CELF2: variants seen among roughly 807,000 people sequenced by gnomAD.
CELF2 encodes CUGBP Elav-like family member 2.
Under a neutral mutation model 62.6 loss-of-function variants are expected in CELF2, and 8 were observed. The observed-to-expected ratio is 0.13, with a 90% confidence interval of 0.07 to 0.23. The LOEUF (loss-of-function observed/expected upper bound fraction) is 0.23, where lower values mean the gene tolerates loss of function less well. Ranked by LOEUF, CELF2 falls within the 10% of genes least tolerant of loss-of-function variation. The pLI is 1.00. For synonymous variants in CELF2, 258 were observed against 250.0 expected, an observed-to-expected ratio of 1.03 and a Z score of -0.30; for missense variants, 333 against 671.0, an observed-to-expected ratio of 0.50 and a Z score of 5.56.
At chr10:11,190,245 C>G (rs1282121218) in intron 2 of CELF2, among the ~76,000 whole-genome samples, 1 of 152,182 alleles carries the variant, frequency 6.6e-6, no homozygotes, top group Non-Finnish European at 1.5e-5. Context: ...AGTAGGCAAT[C>G]CATACATGCC....
chr10:10,653,903 C>T, the CELF2 span, among the ~76,000 whole-genome samples: 2 of 151,730 alleles, frequency 1.3e-5, no homozygotes, highest in African/African-American at 2.4e-5. Flanking sequence ...CACAAAAAAC[C>T]CTTCAAAACA....
chr10:10,981,734 T>C (rs2052133117), intron 2 of CELF2, among the ~76,000 whole-genome samples: 2 of 152,204 alleles, frequency 1.3e-5, no homozygotes, highest in Admixed American at 6.5e-5. Flanking sequence ...ATTGTGCACT[T>C]TCTATGTGCC....
the CELF2 span, among the ~76,000 whole-genome samples, chr10:10,513,637 C>T: frequency 3.9e-5 from 6 of 152,052 alleles, no homozygotes; most frequent in African/African-American, 1.4e-4. Context: ...GTTCAAATTA[C>T]AGTAAAATAT....
chr10:10,596,346 G>T, the CELF2 span, among the ~76,000 whole-genome samples: 2 of 151,846 alleles, frequency 1.3e-5, no homozygotes, highest in Admixed American at 6.5e-5. Flanking sequence ...GTTAGTTTTT[G>T]CTTCCCTGGG....
the CELF2 span, among the ~76,000 whole-genome samples, chr10:10,495,467 G>A: frequency 2.6e-5 from 4 of 152,094 alleles, no homozygotes; most frequent in African/African-American, 2.4e-5. Flanking sequence ...AGGAACTAGT[G>A]GAGAACTTAA....
In CELF2 at chr10:10,938,594, G is replaced by A. The variant is rs947977782; in HGVS notation, c.89+18595G>A. Among the ~76,000 whole-genome samples, 6 of 152,234 alleles carry A rather than the reference G, an allele frequency of 3.9e-5. No individual in the cohort carries two copies. Among genetic ancestry groups the A allele is most frequent in the Non-Finnish European group, 8.8e-5 (6 of 68,044 alleles). On this transcript the variant is annotated intron_variant, in intron 2 of 13. Coordinates refer to the CELF2 transcript ENST00000636488. The surrounding 1 kb of genome is among the most constrained non-coding windows in gnomAD (Gnocchi z 4.2). ...ATTCTGCTATTTGAATTACTTGGGGGAAAACAGGAGTTGTATGACAATTTG... is the reference window on the plus strand; with the variant it reads ...ATTCTGCTATTTGAATTACTTGGGGAAAAACAGGAGTTGTATGACAATTTG...
chr10:11,266,093 C>T (rs935934402), intron 5 of CELF2, among the ~76,000 whole-genome samples: 3 of 152,138 alleles, frequency 2.0e-5, no homozygotes, highest in Admixed American at 6.5e-5. Context: ...GATTTAGATA[C>T]ATTTGTTTGC....
the CELF2 span, among the ~76,000 whole-genome samples, chr10:10,659,274 G>T: frequency 6.6e-6 from 1 of 152,140 alleles, no homozygotes; most frequent in African/African-American, 2.4e-5. Flanking sequence ...TTTCCATAAT[G>T]AGAGAATCTT....
At chr10:11,292,348 G>T (rs1248950560) in intron 9 of CELF2, among the ~76,000 whole-genome samples, 1 of 152,192 alleles carries the variant, frequency 6.6e-6, no homozygotes, top group Non-Finnish European at 1.5e-5. Context: ...TGTTGTTCTT[G>T]CACACCTGTG....
chr10:10,546,486 T>C, the CELF2 span, among the ~76,000 whole-genome samples: 2 of 152,172 alleles, frequency 1.3e-5, no homozygotes, highest in African/African-American at 4.8e-5. Flanking sequence ...TAGATGAAAC[T>C]TGTGTCTTTA....
chr10:10,520,486 C>A, the CELF2 span, among the ~76,000 whole-genome samples: 4 of 152,126 alleles, frequency 2.6e-5, no homozygotes, highest in Non-Finnish European at 5.9e-5. Flanking sequence ...AAGAGCATGT[C>A]CTCGAGCTTC....
intron 2 of CELF2, among the ~76,000 whole-genome samples, chr10:10,985,250 A>G (rs909519190): frequency 2.0e-5 from 3 of 152,034 alleles, no homozygotes; most frequent in African/African-American, 7.2e-5. Flanking sequence ...CATTTTGAAA[A>G]CTTATTCTTA....
At chr10:11,127,214 G>A (rs1273074841) in intron 1 of CELF2, among the ~76,000 whole-genome samples, 2 of 152,126 alleles carry the variant, frequency 1.3e-5, no homozygotes, top group Non-Finnish European at 1.5e-5. Flanking sequence ...TCCCTGTAAA[G>A]GACATGAACT....
At position 10,934,944 on chromosome 10, in the gene CELF2, A is replaced by G. The variant is rs1384989580; in HGVS notation, c.89+14945A>G. On this transcript the variant is annotated intron_variant, in intron 2 of 13. Transcript: ENST00000636488. The surrounding 1 kb of genome is among the most constrained non-coding windows in gnomAD (Gnocchi z 4.4). ...TAATGTTACTGCAGAGATAAATGCAATACTCAAAAGGATTTTAATTTCTTC... is the reference window on the plus strand; with the variant it reads ...TAATGTTACTGCAGAGATAAATGCAGTACTCAAAAGGATTTTAATTTCTTC... 1 of 152,244 alleles carries G rather than the reference A, an allele frequency of 6.6e-6. No homozygotes were observed. Among genetic ancestry groups the G allele is most frequent in the African/African-American group, 2.4e-5 (1 of 41,470 alleles). The allele number at this position is 152,244 out of a possible 1,614,324, so 9.4% of individuals were successfully genotyped here. A position where few individuals can be genotyped will look rare whatever the true frequency, so the allele number is the denominator to read the frequency against.
At chr10:11,050,478 G>A (rs1206620071) in intron 1 of CELF2, among the ~76,000 whole-genome samples, 1 of 152,210 alleles carries the variant, frequency 6.6e-6, no homozygotes, top group Non-Finnish European at 1.5e-5. Flanking sequence ...GCTTGAACAT[G>A]GAGTGTCGGT....
chr10:11,068,855 C>T (rs574998101), intron 1 of CELF2, among the ~76,000 whole-genome samples: 17 of 152,298 alleles, frequency 1.1e-4, no homozygotes, highest in South Asian at 2.1e-4. Context: ...CCACCGCACC[C>T]GGCCTCATTA....
At chr10:10,757,762 T>C in the CELF2 span, among the ~76,000 whole-genome samples, 2 of 152,242 alleles carry the variant, frequency 1.3e-5, no homozygotes, top group Non-Finnish European at 2.9e-5. Flanking sequence ...AAACTTCCCT[T>C]TCTTTAGCAA....
intron 5 of CELF2, among the ~76,000 whole-genome samples, chr10:11,262,189 T>C (rs942633067): frequency 2.6e-5 from 4 of 152,222 alleles, no homozygotes; most frequent in African/African-American, 9.6e-5. Flanking sequence ...TTCAGGGATG[T>C]TGGCAAGTAC....
chr10:11,038,393 G>C (rs1029414395), intron 1 of CELF2, among the ~76,000 whole-genome samples: 1 of 152,216 alleles, frequency 6.6e-6, no homozygotes. Context: ...TGTACTGGTA[G>C]AGGTATGTGG....
Sources: allele counts gnomAD v4.1 joint callset (sites outside exome capture counted in the v4.1 genomes callset), GRCh38; gene constraint gnomAD v4.1.1; non-coding constraint Gnocchi (gnomAD v3.1); transcripts MANE v1.5; gene names NCBI Gene and HGNC (gene_info 2026-07-23, HGNC 2026-07-21).